Variants in TEP1 observed in about 807,000 individuals in gnomAD.
TEP1 encodes the protein telomerase associated protein 1, also known as telomerase protein component 1.
Under a neutral mutation model 306.3 loss-of-function variants are expected in TEP1, and 241 were observed. The observed-to-expected ratio is 0.79, with a 90% CI of 0.71 to 0.88. The LOEUF (loss-of-function observed/expected upper bound fraction) is 0.88. Among genes scored for constraint, TEP1 ranks in the 40% least tolerant of loss-of-function variants. TEP1 has a pLI of 0.00. For synonymous variants in TEP1, 1,289 were observed against 1,305.5 expected, an observed-to-expected ratio of 0.99 and a Z score of 0.27; for missense variants, 3,051 against 3,276.1, an observed-to-expected ratio of 0.93 and a Z score of 1.68.
intron 12 of TEP1, among the ~76,000 whole-genome samples, chr14:20,395,075 AAGAT>A (rs374724679): frequency 1.0e-3 from 156 of 152,354 alleles, no homozygotes; most frequent in African/African-American, 3.6e-3. Flanking sequence ...AAAATACAGA[AAGAT>A]AGAAACAAAA....
chr14:20,370,673 G>A (rs1018874378), intron 51 of TEP1, among the ~76,000 whole-genome samples: 6 of 152,220 alleles, frequency 3.9e-5, no homozygotes, highest in African/African-American at 1.4e-4. Context: ...CAGAATGTAT[G>A]TACTCCTTTC....
At chr14:20,396,274 G>A in intron 10 of TEP1, among the ~76,000 whole-genome samples, 1 of 152,196 alleles carries the variant, frequency 6.6e-6, no homozygotes, top group East Asian at 1.9e-4. Flanking sequence ...TTTGAGACCA[G>A]CCTTGCCAAC....
At position 20,368,357 on chromosome 14, in the gene TEP1, A is replaced by T. The variant is rs1204300661; in HGVS notation, c.*80T>A. ...TAATTATCAAGAAATTATTAATTTT[A>T]TAATTATTAAAAGCTACCAGTGTCT... is the stretch of plus-strand genomic sequence containing the variant. On this transcript the variant is annotated 3_prime_UTR_variant, in exon 55 of 55. Coordinates refer to ENST00000262715, the MANE Select transcript of TEP1 (RefSeq NM_007110.5). The T allele has an allele frequency of 6.9e-7, 1 of 1,449,920 alleles. No individual in the cohort carries two copies. Among genetic ancestry groups the T allele is most frequent in the African/African-American group, 1.4e-5 (1 of 70,186 alleles). 89.8% of individuals were successfully genotyped at this position (1,449,920 alleles called of 1,614,324 possible).
At chr14:20,376,859 A>G (rs1760906) in intron 41 of TEP1, among the ~76,000 whole-genome samples, 46,743 of 152,120 alleles carry the variant, frequency 0.31, 8,153 homozygotes, top group African/African-American at 0.47. Context: ...AAAATCGCAC[A>G]TGTGTATTTT....
chr14:20,384,768 C>A, intron 21 of TEP1, 55 bp from the exon 22 acceptor site: 1 of 1,550,118 alleles, frequency 6.5e-7, no homozygotes, highest in Non-Finnish European at 8.8e-7. Flanking sequence ...GCCAGCCTCC[C>A]TCCACCAACC....
intron 21 of TEP1, 107 bp from the exon 22 acceptor site, chr14:20,384,820 A>G: frequency 6.8e-7 from 1 of 1,475,422 alleles, no homozygotes; most frequent in Non-Finnish European, 9.3e-7. Context: ...TCAAGTAGAG[A>G]GCTCCTGACT....
At position 20,403,816 on chromosome 14, in the gene TEP1, G is replaced by A; in HGVS notation, c.1101C>T (p.Asp367=). Residue 367 remains aspartate (D), a synonymous_variant, in exon 6 of 55, where the codon GAC becomes GAT. Coordinates refer to ENST00000262715, the MANE Select transcript of TEP1 (RefSeq NM_007110.5). The part of the protein sequence containing the change: ...LPACLRTAMT[D]KFAQFDEYQL... ...GGTACTCGTCAAACTGGGCAAATTT[G>A]TCCGTCATGGCAGTACGGAGACAGG... 1 of 1,614,132 alleles carries A rather than the reference G, an allele frequency of 6.2e-7. No individual in the cohort carries two copies. Among genetic ancestry groups the A allele is most frequent in the Non-Finnish European group, 8.5e-7 (1 of 1,180,014 alleles).
chr14:20,396,513 C>T (rs951136530), intron 10 of TEP1, 108 bp downstream of exon 10: 6 of 827,170 alleles, frequency 7.3e-6, no homozygotes, highest in Middle Eastern at 2.4e-4. Context: ...GCTTGAGGGC[C>T]GTACCTGCCT....
rs377210684 is a variant in TEP1 at position 20,386,476 on chromosome 14, G to A, written c.2832C>T (p.Gly944=). The A allele has an allele frequency of 3.8e-5, 61 of 1,608,804 alleles. No homozygotes were observed. The highest frequency in any genetic ancestry group is 8.8e-5 in the South Asian group (8 of 90,774). Reference sequence around the variant, plus strand: ...TCCTACGGGTCTCCTCCTCAGTGACGCCCCAGCGGAGGTCGATTCCGTGAA... The same window carrying A: ...TCCTACGGGTCTCCTCCTCAGTGACACCCCAGCGGAGGTCGATTCCGTGAA... The part of the protein sequence containing the change: ...ISLHGIDLRW[G]VTEEETRRNR... Residue 944 remains glycine, a synonymous_variant, in exon 19 of 55, where the codon GGC becomes GGT. Transcript: ENST00000262715.
chr14:20,368,739 C>T (rs1884623546), intron 54 of TEP1, 59 bp downstream of exon 54: 1 of 1,549,142 alleles, frequency 6.5e-7, no homozygotes, highest in Non-Finnish European at 8.9e-7. Flanking sequence ...TGTGACATCC[C>T]TTTGGGATAG....
chr14:20,375,290 G>A (rs1371888623), intron 43 of TEP1, among the ~76,000 whole-genome samples: 1 of 152,078 alleles, frequency 6.6e-6, no homozygotes, highest in African/African-American at 2.4e-5. Flanking sequence ...CTGAGTAGCT[G>A]GGATTACAGG....
chr14:20,368,821 A>C lies in TEP1; in HGVS notation c.7738T>G (p.Trp2580Gly). Reference sequence around the variant, plus strand: ...ACCAGCTGCATACTGGGTCTCTCCCATAGCTTAACATCTCTGTCCTTCGAA... The same window carrying C: ...ACCAGCTGCATACTGGGTCTCTCCCCTAGCTTAACATCTCTGTCCTTCGAA... ...TASKDRDVKLWERPSMQLLGL... is the reference protein window; with the variant it reads ...TASKDRDVKLGERPSMQLLGL... Residue 2580 changes from tryptophan (W) to glycine (G), a missense_variant, in exon 54 of 55, where the codon TGG (tryptophan) becomes GGG (glycine). This residue lies in a region of TEP1 where 1,540 missense variants were observed against 1,705.9 expected (regional missense o/e 0.90). Transcript: ENST00000262715. 1.9e-6 allele frequency: 3 copies of C among 1,613,300 alleles called. No individual in the cohort carries two copies. The highest frequency in any genetic ancestry group is 2.5e-6 in the Non-Finnish European group (3 of 1,179,850).
chr14:20,405,872 G>C (rs904134910), intron 3 of TEP1, among the ~76,000 whole-genome samples: 1 of 152,020 alleles, frequency 6.6e-6, no homozygotes, highest in African/African-American at 2.4e-5. Flanking sequence ...AAATTAGCCA[G>C]GCATGGCAGT....
Position 20,406,280 on chromosome 14 carries a change from A to G in TEP1, c.688T>C (p.Ser230Pro), listed in dbSNP as rs1432469161. 1.2e-6 allele frequency: 2 copies of G among 1,614,072 alleles called. No individual in the cohort carries two copies. The highest frequency in any genetic ancestry group is 2.2e-5 in the East Asian group (1 of 44,878). Residue 230 changes from serine (S) to proline (P), a missense_variant, in exon 3 of 55, where the codon TCT becomes CCT. Physicochemically the swap from Ser to Pro is moderately conservative, Grantham distance 74. Transcript: ENST00000262715. ...DLAVKLTSGD[S>P]ESHPEPTDHV... ...TCAGTAGGCTCTGGATGAGATTCAG[A>G]GTCTCCAGAGGTGAGCTTCACGGCC...
At chr14:20,389,366 A>C in intron 16 of TEP1, 69 bp from the exon 17 acceptor site, 1 of 1,562,472 alleles carries the variant, frequency 6.4e-7, no homozygotes, top group Non-Finnish European at 8.8e-7. Flanking sequence ...GCCCACTAAC[A>C]TCCCAAGATG....
At chr14:20,385,185 G>A in intron 20 of TEP1, 76 bp from the exon 21 acceptor site, 2 of 1,577,434 alleles carry the variant, frequency 1.3e-6, no homozygotes, top group Non-Finnish European at 1.7e-6. Flanking sequence ...AAGGCCCCAG[G>A]ACTCCTGTAT....
intron 7 of TEP1, among the ~76,000 whole-genome samples, chr14:20,402,206 G>A (rs1205657487): frequency 6.6e-6 from 1 of 152,156 alleles, no homozygotes; most frequent in Non-Finnish European, 1.5e-5. Context: ...TACTCGGGAG[G>A]CTGAGGCAGG....
In TEP1 at chr14:20,368,857, G is replaced by A; in HGVS notation, c.7702C>T (p.Leu2568=). 1 of 1,613,914 alleles carries A rather than the reference G, an allele frequency of 6.2e-7. No individual in the cohort carries two copies. Among genetic ancestry groups the A allele is most frequent in the Non-Finnish European group, 8.5e-7 (1 of 1,180,022 alleles). The change falls in exon 54 of 55, where the codon CTG becomes TTG. Residue 2568 remains leucine (L), a synonymous_variant. Transcript: ENST00000262715. The part of the protein sequence containing the change: ...VTALHVLPEL[L]VTASKDRDVK... The stretch of plus-strand genomic sequence containing the variant: ...TCTCTGTCCTTCGAAGCTGTCACCA[G>A]CAACTCAGGTAGCACATGGAGGGCT...
chr14:20,375,777 G>T lies in TEP1; in HGVS notation c.6341C>A (p.Ala2114Asp). 6.2e-7 allele frequency: 1 copy of T among 1,613,336 alleles called. No homozygotes were observed. The change falls in exon 43 of 55, where the codon GCC becomes GAC. Residue 2114 changes from alanine to aspartate, a missense_variant. Coordinates refer to ENST00000262715, the MANE Select transcript of TEP1 (RefSeq NM_007110.5). ...ACHRDWVTGC[A>D]WTKDNLLISC... Reference sequence around the variant, plus strand: ...CACCAGTAGGTTATCTTTGGTCCAGGCACAGCCAGTGACCCAGTCACGGTG... The same window carrying T: ...CACCAGTAGGTTATCTTTGGTCCAGTCACAGCCAGTGACCCAGTCACGGTG...
Sources: gnomAD v4.1 joint callset for allele counts (sites outside exome capture counted in the v4.1 genomes callset) on GRCh38, gnomAD v4.1.1 for gene constraint, gnomAD v4.1.1 regional missense constraint, MANE v1.5 for transcripts, NCBI Gene and HGNC (gene_info 2026-07-23, HGNC 2026-07-21) for gene names.